The following SCHIP1 variants were observed in gnomAD, a reference collection of about 807,000 sequenced individuals.
SCHIP1 encodes schwannomin-interacting protein 1.
SCHIP1 carries 8 observed loss-of-function variants against 29.7 expected under a neutral mutation model. The observed-to-expected ratio is 0.27, with a 90% CI of 0.16 to 0.49. SCHIP1 has a LOEUF of 0.49. Ranked by LOEUF, SCHIP1 falls within the 20% of genes least tolerant of loss-of-function variation. SCHIP1 has a pLI of 0.99. For missense variants in SCHIP1, 193 were observed against 294.6 expected, an observed-to-expected ratio of 0.66 and a Z score of 2.52; for synonymous variants, 76 against 94.9, an observed-to-expected ratio of 0.80 and a Z score of 1.16.
the SCHIP1 span, among the ~76,000 whole-genome samples, chr3:159,618,347 T>C: frequency 6.6e-6 from 1 of 152,224 alleles, no homozygotes; most frequent in African/African-American, 2.4e-5. Flanking sequence ...TAGGTATATT[T>C]GGCTTAGTTA....
the SCHIP1 span, among the ~76,000 whole-genome samples, chr3:159,350,171 A>G: frequency 2.6e-5 from 4 of 152,112 alleles, no homozygotes; most frequent in South Asian, 8.3e-4. Flanking sequence ...ATTTAATATC[A>G]TCTGATTTTA....
chr3:159,549,855 C>T, the SCHIP1 span, among the ~76,000 whole-genome samples: 1 of 152,090 alleles, frequency 6.6e-6, no homozygotes, highest in Non-Finnish European at 1.5e-5. Context: ...TTTGTTCACT[C>T]TCCAACTTCA....
the SCHIP1 span, among the ~76,000 whole-genome samples, chr3:159,792,669 C>G: frequency 1.3e-5 from 2 of 152,196 alleles, no homozygotes; most frequent in Admixed American, 1.3e-4. Flanking sequence ...TTGCTCATCT[C>G]TAGTAAGGAT....
chr3:159,829,460 A>G, the SCHIP1 span, among the ~76,000 whole-genome samples: 1 of 152,236 alleles, frequency 6.6e-6, no homozygotes, highest in Non-Finnish European at 1.5e-5. Context: ...ACTACAAATG[A>G]GATAGTCTAT....
the SCHIP1 span, among the ~76,000 whole-genome samples, chr3:159,448,157 A>T: frequency 6.6e-6 from 1 of 152,176 alleles, no homozygotes; most frequent in African/African-American, 2.4e-5. Flanking sequence ...AAATAAGTTC[A>T]TGAGTGCGTA....
At chr3:159,386,449 C>T in the SCHIP1 span, among the ~76,000 whole-genome samples, 2 of 152,288 alleles carry the variant, frequency 1.3e-5, no homozygotes, top group African/African-American at 2.4e-5. Flanking sequence ...GAATCAATAT[C>T]GTGAAAATGA....
At chr3:159,640,799 G>A in the SCHIP1 span, among the ~76,000 whole-genome samples, 1 of 152,204 alleles carries the variant, frequency 6.6e-6, no homozygotes, top group Non-Finnish European at 1.5e-5. Flanking sequence ...GCCACCATGG[G>A]GATTGATAGA....
At chr3:159,307,645 A>T in the SCHIP1 span, among the ~76,000 whole-genome samples, 3 of 152,278 alleles carry the variant, frequency 2.0e-5, no homozygotes, top group African/African-American at 7.2e-5. Flanking sequence ...TCTTTGCCAA[A>T]GCCAGTGTTA....
chr3:159,439,494 T>A, the SCHIP1 span, among the ~76,000 whole-genome samples: 7 of 152,110 alleles, frequency 4.6e-5, no homozygotes, highest in African/African-American at 1.7e-4. Context: ...TTCAATTACC[T>A]CCAGATGGTC....
chr3:159,405,138 T>C, the SCHIP1 span, among the ~76,000 whole-genome samples: 1 of 152,214 alleles, frequency 6.6e-6, no homozygotes, highest in South Asian at 2.1e-4. Context: ...CACTCAAGTG[T>C]CTTTGAACAC....
At chr3:159,442,283 A>G in the SCHIP1 span, among the ~76,000 whole-genome samples, 1 of 152,196 alleles carries the variant, frequency 6.6e-6, no homozygotes, top group East Asian at 1.9e-4. Context: ...ACTGGCAGGA[A>G]TTGCTTGGAG....
exon 6 of SCHIP1, chr3:159,892,159 G>A: frequency 6.2e-7 from 1 of 1,614,196 alleles, no homozygotes; most frequent in Non-Finnish European, 8.5e-7. Flanking sequence ...AGAGCAGGAT[G>A]CCATGCTGGT....
chr3:159,413,044 T>C, the SCHIP1 span, among the ~76,000 whole-genome samples: 1 of 152,184 alleles, frequency 6.6e-6, no homozygotes, highest in Non-Finnish European at 1.5e-5. Flanking sequence ...CATGTCCTTC[T>C]TCCCATGGCA....
the SCHIP1 span, among the ~76,000 whole-genome samples, chr3:159,816,522 G>A: frequency 6.6e-6 from 1 of 152,198 alleles, no homozygotes; most frequent in East Asian, 1.9e-4. Flanking sequence ...TGATCCTCCT[G>A]CCTCAGCCTC....
chr3:159,640,003 A>G, the SCHIP1 span, among the ~76,000 whole-genome samples: 1 of 152,174 alleles, frequency 6.6e-6, no homozygotes, highest in Non-Finnish European at 1.5e-5. Flanking sequence ...TATGATTTGT[A>G]TCTTTTTTTC....
At chr3:159,737,572 A>C in the SCHIP1 span, among the ~76,000 whole-genome samples, 1 of 152,218 alleles carries the variant, frequency 6.6e-6, no homozygotes, top group South Asian at 2.1e-4. Flanking sequence ...CTATTATTGA[A>C]TTCTAATTGT....
At chr3:159,670,998 G>A in the SCHIP1 span, among the ~76,000 whole-genome samples, 2 of 152,104 alleles carry the variant, frequency 1.3e-5, no homozygotes, top group Non-Finnish European at 2.9e-5. Flanking sequence ...TAGCAACAGA[G>A]CAATTAAACC....
At chr3:159,565,827 T>G in the SCHIP1 span, among the ~76,000 whole-genome samples, 4 of 152,212 alleles carry the variant, frequency 2.6e-5, no homozygotes, top group East Asian at 7.7e-4. Context: ...TTACAGTAAA[T>G]GCATGTAATG....
At chr3:159,441,231 G>T in the SCHIP1 span, among the ~76,000 whole-genome samples, 1 of 152,130 alleles carries the variant, frequency 6.6e-6, no homozygotes, top group African/African-American at 2.4e-5. Context: ...ACTCTTAGGT[G>T]ATTCTACAGG....
Sources: allele counts gnomAD v4.1 joint callset (sites outside exome capture counted in the v4.1 genomes callset), GRCh38; gene constraint gnomAD v4.1.1; transcripts MANE v1.5; gene names NCBI Gene and HGNC (gene_info 2026-07-23, HGNC 2026-07-21).